The following RFFL variants were observed in gnomAD, a reference collection of about 807,000 sequenced individuals.
RFFL encodes the protein ring finger and FYVE like domain containing E3 ubiquitin protein ligase, also known as E3 ubiquitin-protein ligase rififylin.
RFFL carries 16 observed loss-of-function variants against 40.4 expected under a neutral mutation model. That is an observed-to-expected ratio of 0.40 (90% CI 0.27 to 0.60). The LOEUF is 0.60. RFFL is among the 20% of genes least tolerant of loss of function. The pLI, the probability that RFFL is intolerant of heterozygous loss-of-function variation, is 0.47. For missense variants in RFFL, 367 were observed against 451.7 expected, an observed-to-expected ratio of 0.81 and a Z score of 1.70; for synonymous variants, 154 against 167.9, an observed-to-expected ratio of 0.92 and a Z score of 0.64.
At chr17:35,053,864 C>T (rs545916234) in intron 1 of RFFL, among the ~76,000 whole-genome samples, 19 of 152,266 alleles carry the variant, frequency 1.2e-4, no homozygotes, top group African/African-American at 3.1e-4. Flanking sequence ...TCCAGAATCC[C>T]GTTAACGGAA....
intron 1 of RFFL, among the ~76,000 whole-genome samples, chr17:35,061,325 G>T (rs1312145071): frequency 1.3e-5 from 2 of 152,186 alleles, no homozygotes; most frequent in African/African-American, 4.8e-5. Flanking sequence ...ATTCCTAGAG[G>T]CAATGCAGGT....
intron 1 of RFFL, among the ~76,000 whole-genome samples, chr17:35,053,961 T>A (rs1217943850): frequency 6.6e-6 from 1 of 152,208 alleles, no homozygotes; most frequent in Non-Finnish European, 1.5e-5. Context: ...TCTTCAAGAC[T>A]AATTATTTCC....
intron 6 of RFFL, 69 bp downstream of exon 6, chr17:35,014,671 G>C: frequency 1.2e-5 from 17 of 1,378,836 alleles, no homozygotes; most frequent in Non-Finnish European, 1.6e-5. Flanking sequence ...ATTACTAAAG[G>C]GATTGGGGTT....
Position 35,018,423 on chromosome 17 carries a change from G to A in RFFL, c.592-817C>T, listed in dbSNP as rs900386237. The stretch of plus-strand genomic sequence containing the variant: ...GTTTGGCCAAAGAGTAGGCAGAACT[G>A]TTAGCCTCCTAATTCCATCACCATT... On this transcript the variant is annotated intron_variant, in intron 3 of 6. Coordinates refer to ENST00000394597, the MANE Select transcript of RFFL (RefSeq NM_001017368.2). Among the ~76,000 whole-genome samples, 5 of 152,190 alleles carry A rather than the reference G, an allele frequency of 3.3e-5. No individual in the cohort carries two copies. The South Asian group carries it at 1.0e-3, about 31-fold the overall frequency.
rs549117217 is a variant in RFFL, at chr17:35,054,981, G to A, written c.-9+8595C>T. On this transcript the variant is annotated intron_variant, in intron 1 of 6. Coordinates refer to ENST00000394597, the MANE Select transcript of RFFL (RefSeq NM_001017368.2). ...TGCCCAGGCTGGAGTGCAGTGGCGCGATTTTGGCTCACTGCAAGCTCCACC... is the reference window on the plus strand; with the variant it reads ...TGCCCAGGCTGGAGTGCAGTGGCGCAATTTTGGCTCACTGCAAGCTCCACC... Among the ~76,000 whole-genome samples, 18 of 151,226 alleles carry A rather than the reference G, an allele frequency of 1.2e-4. No homozygotes were observed. In the East Asian group the frequency reaches 2.7e-3, roughly 23 times the overall value.
intron 1 of RFFL, among the ~76,000 whole-genome samples, chr17:35,045,360 G>A (rs955350715): frequency 2.6e-5 from 4 of 151,646 alleles, no homozygotes; most frequent in Non-Finnish European, 2.9e-5. Flanking sequence ...AGCCTCCTGA[G>A]TAGCTGGGAT....
intron 6 of RFFL, among the ~76,000 whole-genome samples, chr17:35,013,147 G>T (rs2090951479): frequency 6.6e-6 from 1 of 152,332 alleles, no homozygotes; most frequent in African/African-American, 2.4e-5. Context: ...GCCAACTGGG[G>T]CAAAAAAGTT....
chr17:35,081,945 C>T (rs1446863417), intron 1 of RFFL, among the ~76,000 whole-genome samples: 1 of 152,094 alleles, frequency 6.6e-6, no homozygotes, highest in African/African-American at 2.4e-5. Context: ...AGAAATTAGT[C>T]TGTTTAGGTA....
intron 6 of RFFL, among the ~76,000 whole-genome samples, chr17:35,014,247 T>C (rs1321774100): frequency 6.6e-6 from 1 of 152,128 alleles, no homozygotes; most frequent in Non-Finnish European, 1.5e-5. Context: ...GTAGCACATG[T>C]GTTAGCTCCA....
intron 1 of RFFL, among the ~76,000 whole-genome samples, chr17:35,071,022 C>A (rs2091346206): frequency 6.6e-6 from 1 of 151,680 alleles, no homozygotes; most frequent in South Asian, 2.1e-4. Flanking sequence ...CAGGGCGAAA[C>A]CCAGTCTCTA....
intron 1 of RFFL, among the ~76,000 whole-genome samples, chr17:35,085,392 G>T (rs2091424365): frequency 6.6e-6 from 1 of 152,186 alleles, no homozygotes; most frequent in African/African-American, 2.4e-5. Context: ...TTTATTATCA[G>T]ATTCAAAAAG....
intron 1 of RFFL, chr17:35,073,907 C>T (rs182284814): frequency 6.6e-6 from 1 of 152,232 alleles, no homozygotes; most frequent in East Asian, 1.9e-4. Context: ...AAAACGTTTA[C>T]AATTTTAGAA....
chr17:35,054,003 A>C (rs1365365802), intron 1 of RFFL, among the ~76,000 whole-genome samples: 1 of 152,200 alleles, frequency 6.6e-6, no homozygotes, highest in Non-Finnish European at 1.5e-5. Context: ...TTGTGACCCA[A>C]GACTAGACTG....
intron 1 of RFFL, among the ~76,000 whole-genome samples, chr17:35,084,309 C>T (rs1234283885): frequency 6.6e-6 from 1 of 152,034 alleles, no homozygotes; most frequent in African/African-American, 2.4e-5. Context: ...TTAAAGCTAG[C>T]TTCCTGCTGG....
At chr17:35,056,401 A>G (rs1488630545) in intron 1 of RFFL, among the ~76,000 whole-genome samples, 2 of 138,350 alleles carry the variant, frequency 1.4e-5, no homozygotes, top group African/African-American at 2.8e-5. Context: ...TTTTTGAGAC[A>G]AAGTTTTGCT....
intron 1 of RFFL, among the ~76,000 whole-genome samples, chr17:35,087,287 G>A (rs1271054327): frequency 6.6e-6 from 1 of 151,810 alleles, no homozygotes; most frequent in African/African-American, 2.4e-5. Flanking sequence ...GGAGGTCAAG[G>A]CTGCAGTGAG....
At chr17:35,083,220 A>G (rs1385420083) in intron 1 of RFFL, among the ~76,000 whole-genome samples, 1 of 152,222 alleles carries the variant, frequency 6.6e-6, no homozygotes, top group Non-Finnish European at 1.5e-5. Flanking sequence ...TTGTTTCCAC[A>G]TTATCATTCA....
chr17:35,063,972 T>G (rs2091308402), upstream of RFFL: 2 of 152,216 alleles, frequency 1.3e-5, no homozygotes, highest in African/African-American at 4.8e-5. Flanking sequence ...CCCAAAAAGT[T>G]CCAGTGGCCA....
intron 1 of RFFL, among the ~76,000 whole-genome samples, chr17:35,080,010 T>C (rs1379595375): frequency 2.0e-5 from 3 of 152,144 alleles, no homozygotes; most frequent in African/African-American, 7.2e-5. Context: ...TTGCACATAA[T>C]TTTAGCCCCT....
Sources: allele counts gnomAD v4.1 joint callset (sites outside exome capture counted in the v4.1 genomes callset), GRCh38; gene constraint gnomAD v4.1.1; transcripts MANE v1.5; gene names NCBI Gene and HGNC (gene_info 2026-07-23, HGNC 2026-07-21).